Variants in LDHAL6A observed in about 807,000 individuals in gnomAD.
LDHAL6A encodes L-lactate dehydrogenase A-like 6A.
Under a neutral mutation model 28.2 loss-of-function variants are expected in LDHAL6A, and 19 were observed. The observed-to-expected ratio is 0.67, with a 90% CI of 0.47 to 0.99. The LOEUF is 0.99. Among genes scored for constraint, LDHAL6A ranks in the 50% least tolerant of loss-of-function variants. LDHAL6A has a pLI of 0.00. For missense variants in LDHAL6A, 372 were observed against 398.6 expected, an observed-to-expected ratio of 0.93 and a Z score of 0.57; for synonymous variants, 144 against 134.4, an observed-to-expected ratio of 1.07 and a Z score of -0.49.
Position 18,479,063 on chromosome 11 carries a change from G to A in LDHAL6A, c.*193G>A, listed in dbSNP as rs1849471425. 6 of 467,552 alleles carry A rather than the reference G, an allele frequency of 1.3e-5. No individual in the cohort carries two copies. The East Asian group carries it at 2.0e-4, about 16-fold the overall frequency. 29.0% of individuals were successfully genotyped at this position (467,552 alleles called of 1,614,324 possible). A position where few individuals can be genotyped will look rare whatever the true frequency, so the allele number is the denominator to read the frequency against. The stretch of plus-strand genomic sequence containing the variant: ...CTCATTCTGTCACCCAGGCTGGAGT[G>A]CAGTGGCACAATCATGGCTCACTGC... On this transcript the variant is annotated 3_prime_UTR_variant, in exon 7 of 7. Transcript: ENST00000280706.
chr11:18,459,252 G>A (rs1327008271), intron 1 of LDHAL6A, among the ~76,000 whole-genome samples: 1 of 152,194 alleles, frequency 6.6e-6, no homozygotes, highest in East Asian at 1.9e-4. Context: ...ATAAAAGCAG[G>A]CAGAGGAACG....
intron 3 of LDHAL6A, among the ~76,000 whole-genome samples, chr11:18,467,362 T>C (rs1218912013): frequency 1.3e-5 from 2 of 152,170 alleles, no homozygotes; most frequent in Non-Finnish European, 2.9e-5. Context: ...CCCTATAGCC[T>C]CCATCCTTTT....
chr11:18,456,868 G>T, intron 1 of LDHAL6A, 62 bp downstream of exon 1: 1 of 1,530,822 alleles, frequency 6.5e-7, no homozygotes, highest in South Asian at 1.3e-5. Flanking sequence ...ACAGCGTATG[G>T]TTGTGGAGGT....
In LDHAL6A at chr11:18,478,977, G is replaced by C. The variant is rs1024734060; in HGVS notation, c.*107G>C. 1.6e-5 allele frequency: 16 copies of C among 990,104 alleles called. No individual in the cohort carries two copies. The Admixed American group carries it at 2.3e-4, about 14-fold the overall frequency. The allele number at this position is 990,104 out of a possible 1,614,324, so 61.3% of individuals were successfully genotyped here. On this transcript the variant is annotated 3_prime_UTR_variant, in exon 7 of 7. Coordinates refer to ENST00000280706, the MANE Select transcript of LDHAL6A (RefSeq NM_144972.5). ...AATTTCTAAAAGTTGGAAAAATAGA[G>C]GAAAGAGTGACCTATTTAGTATAGC...
chr11:18,469,577 AAT>A (rs1849208367), intron 3 of LDHAL6A, among the ~76,000 whole-genome samples: 2 of 152,224 alleles, frequency 1.3e-5, no homozygotes, highest in South Asian at 4.1e-4. Context: ...AATAAGGAAA[AAT>A]AAAAAAATCT....
chr11:18,479,258 G>A lies in LDHAL6A; in HGVS notation c.*388G>A, dbSNP rs1383877869. 1 of 154,392 alleles carries A rather than the reference G, an allele frequency of 6.5e-6. No homozygotes were observed. The highest frequency in any genetic ancestry group is 2.4e-5 in the African/African-American group (1 of 41,266). 9.6% of individuals were successfully genotyped at this position (154,392 alleles called of 1,614,324 possible). On this transcript the variant is annotated 3_prime_UTR_variant, in exon 7 of 7. Transcript: ENST00000280706. ...ACTCCCAAAGTGCTGAGATTACAGGGGTGAGCCACTGTGCCTGGCCTTAGC... is the reference window on the plus strand; with the variant it reads ...ACTCCCAAAGTGCTGAGATTACAGGAGTGAGCCACTGTGCCTGGCCTTAGC...
intron 3 of LDHAL6A, among the ~76,000 whole-genome samples, chr11:18,471,782 A>T (rs7119822): frequency 0.055 from 7,977 of 145,482 alleles, 273 homozygotes; most frequent in Non-Finnish European, 0.076. Flanking sequence ...AAAAAAAAAA[A>T]TTTTTTCCAA....
rs772182029 is a variant in LDHAL6A at position 18,477,618 on chromosome 11, A to G, written c.711-2A>G. 11 of 1,601,890 alleles carry G rather than the reference A, an allele frequency of 6.9e-6. No homozygotes were observed. The highest frequency in any genetic ancestry group is 9.3e-6 in the Non-Finnish European group (11 of 1,176,880). ...TATGTTTATGGTTTCTTCTATCTAC[A>G]GTGGCTATGAGATGGTCAAAATGAA... is the stretch of plus-strand genomic sequence containing the variant. On this transcript the variant is annotated splice_acceptor_variant, in intron 5 of 6. Coordinates refer to ENST00000280706, the MANE Select transcript of LDHAL6A (RefSeq NM_144972.5). LOFTEE classifies it high-confidence loss of function.
At chr11:18,459,986 G>A (rs1396652549) in intron 1 of LDHAL6A, among the ~76,000 whole-genome samples, 1 of 152,114 alleles carries the variant, frequency 6.6e-6, no homozygotes, top group Non-Finnish European at 1.5e-5. Context: ...ATCATATCCC[G>A]GCTACATACT....
intron 4 of LDHAL6A, 66 bp from the exon 5 acceptor site, chr11:18,476,318 G>A (rs1201107336): frequency 3.2e-6 from 5 of 1,542,928 alleles, no homozygotes; most frequent in Admixed American, 2.0e-5. Flanking sequence ...CAGTTTTGCT[G>A]AGGTCAAAAA....
At chr11:18,459,352 T>G (rs571898612) in intron 1 of LDHAL6A, among the ~76,000 whole-genome samples, 1 of 151,946 alleles carries the variant, frequency 6.6e-6, no homozygotes, top group South Asian at 2.1e-4. Flanking sequence ...TCCAAGTTCT[T>G]CAGCTTTTGA....
intron 6 of LDHAL6A, 38 bp downstream of exon 6, chr11:18,477,781 T>A (rs533458539): frequency 6.4e-7 from 1 of 1,565,452 alleles, no homozygotes; most frequent in Non-Finnish European, 8.6e-7. Flanking sequence ...TAACTCAACA[T>A]AAAATAGGGG....
intron 1 of LDHAL6A, among the ~76,000 whole-genome samples, chr11:18,459,032 G>A (rs1333020512): frequency 6.6e-6 from 1 of 151,644 alleles, no homozygotes; most frequent in African/African-American, 2.4e-5. Context: ...AAAATTGAAA[G>A]GATAACAGTT....
chr11:18,471,782 A>AT (rs137921356), intron 3 of LDHAL6A, among the ~76,000 whole-genome samples: 141 of 145,854 alleles, frequency 9.7e-4, no homozygotes, highest in Middle Eastern at 3.5e-3. Context: ...AAAAAAAAAA[A>AT]TTTTTTCCAA....
At chr11:18,459,030 AAGGATAAC>A (rs1289406454) in intron 1 of LDHAL6A, among the ~76,000 whole-genome samples, 1 of 151,770 alleles carries the variant, frequency 6.6e-6, no homozygotes, top group East Asian at 1.9e-4. Context: ...GAAAAATTGA[AAGGATAAC>A]AGTTTATACC....
intron 3 of LDHAL6A, chr11:18,468,515 T>C (rs1288438696): frequency 3.3e-5 from 5 of 152,092 alleles, no homozygotes; most frequent in East Asian, 1.9e-4. Context: ...ACTTTTTGTA[T>C]TTTTAGTAGA....
At chr11:18,469,315 G>A (rs1458176594) in intron 3 of LDHAL6A, 7 of 464,548 alleles carry the variant, frequency 1.5e-5, no homozygotes, top group Middle Eastern at 2.9e-4. Context: ...AAAGTACCGC[G>A]TCATTAAGGT....
At chr11:18,460,594 C>T (rs1356450654) in intron 1 of LDHAL6A, among the ~76,000 whole-genome samples, 1 of 90,348 alleles carries the variant, frequency 1.1e-5, no homozygotes, top group Non-Finnish European at 2.3e-5. Flanking sequence ...AACTCCGTCT[C>T]AAAAAAAAAA....
At chr11:18,463,067 G>T (rs1234686790) in intron 1 of LDHAL6A, among the ~76,000 whole-genome samples, 1 of 151,696 alleles carries the variant, frequency 6.6e-6, no homozygotes, top group Non-Finnish European at 1.5e-5. Context: ...TCTGATTATA[G>T]AACTAAAATA....
Sources: gnomAD v4.1 joint callset for allele counts (sites outside exome capture counted in the v4.1 genomes callset) on GRCh38, gnomAD v4.1.1 for gene constraint, MANE v1.5 for transcripts, NCBI Gene and HGNC (gene_info 2026-07-23, HGNC 2026-07-21) for gene names.